The following CELF2 variants were observed in gnomAD, a reference collection of about 807,000 sequenced individuals.
The protein encoded by CELF2 is CUG triplet repeat RNA-binding protein 2.
Under a neutral mutation model 62.6 loss-of-function variants are expected in CELF2, and 8 were observed. The observed-to-expected ratio is 0.13, with a 90% CI of 0.07 to 0.23. The LOEUF is 0.23. Among genes scored for constraint, CELF2 ranks in the 10% least tolerant of loss-of-function variants. The probability of loss-of-function intolerance (pLI) is 1.00; values close to 1 mark genes in which losing one functional copy is unlikely to be tolerated. For synonymous variants in CELF2, 258 were observed against 250.0 expected (o/e 1.03, Z -0.30); for missense variants, 333 against 671.0 (o/e 0.50, Z 5.56).
rs185878981 is a variant in CELF2, at chr10:10,945,860, T to C, written c.89+25861T>C. Among the ~76,000 whole-genome samples, 421 of 152,336 alleles carry C rather than the reference T, an allele frequency of 2.8e-3. 16 individuals are homozygous for C. Among genetic ancestry groups the C allele is most frequent in the Middle Eastern group, 3.4e-3 (1 of 294 alleles). ...TGACAAATTTCTGGCTGGGTTATTA[T>C]GGGATGTTAATGCCTACCCTCAAAC... On this transcript the variant is annotated intron_variant, in intron 2 of 13. Transcript: ENST00000636488.
chr10:10,617,842 A>G, the CELF2 span, among the ~76,000 whole-genome samples: 2 of 152,126 alleles, frequency 1.3e-5, no homozygotes, highest in East Asian at 3.9e-4. Context: ...GAAAGGATGC[A>G]CATCTAATTT....
chr10:11,039,222 C>T lies in CELF2; in HGVS notation c.74+21059C>T, dbSNP rs1440397979. The stretch of plus-strand genomic sequence containing the variant: ...CCACAACACTTCGTGCCCTGTATGG[C>T]ACAGAGTGGGTCAAACACATCAGAT... On this transcript the variant is annotated intron_variant, in intron 1 of 12. Transcript: ENST00000633077. This position sits in a 1 kb window ranked among gnomAD's most constrained non-coding sequence, Gnocchi z 4.1. 6.6e-6 allele frequency among the ~76,000 whole-genome samples: 1 copy of T among 152,174 alleles called. No individual in the cohort carries two copies. Among genetic ancestry groups the T allele is most frequent in the African/African-American group, 2.4e-5 (1 of 41,436 alleles).
intron 2 of CELF2, among the ~76,000 whole-genome samples, chr10:10,989,228 A>T (rs1592782683): frequency 6.6e-6 from 1 of 152,178 alleles, no homozygotes; most frequent in East Asian, 1.9e-4. Flanking sequence ...TAAAAATTTC[A>T]GTAGAATTTT....
At chr10:10,816,487 C>T (rs2131856554) in intron 1 of CELF2, among the ~76,000 whole-genome samples, 2 of 152,300 alleles carry the variant, frequency 1.3e-5, no homozygotes, top group Middle Eastern at 6.8e-3. Flanking sequence ...TTGTGACACT[C>T]TCTGTGTCCC....
intron 1 of CELF2, among the ~76,000 whole-genome samples, chr10:10,883,798 T>C (rs1032089960): frequency 1.3e-5 from 2 of 152,208 alleles, no homozygotes; most frequent in Non-Finnish European, 2.9e-5. Flanking sequence ...CAATTTCATA[T>C]GGTTTTGCCT....
the CELF2 span, among the ~76,000 whole-genome samples, chr10:10,543,157 A>G: frequency 1.3e-5 from 2 of 152,130 alleles, no homozygotes; most frequent in Admixed American, 6.5e-5. Flanking sequence ...TCTCTCCTAT[A>G]CTACTTAATA....
At chr10:11,238,894 C>T (rs775149960) in intron 3 of CELF2, among the ~76,000 whole-genome samples, 5 of 152,098 alleles carry the variant, frequency 3.3e-5, no homozygotes, top group Non-Finnish European at 7.4e-5. Flanking sequence ...TTAAATAAAG[C>T]AAAATGAAAG....
At position 11,296,740 on chromosome 10, in the gene CELF2, G is replaced by C. The variant is rs550998737; in HGVS notation, c.976+8188G>C. On this transcript the variant is annotated intron_variant, in intron 9 of 12. Coordinates refer to ENST00000633077, the MANE Select transcript of CELF2 (RefSeq NM_001326342.2). The surrounding 1 kb of genome is among the most constrained non-coding windows in gnomAD (Gnocchi z 5.0). Reference sequence around the variant, plus strand: ...AGCAGGAAGGCAGGTAAGGTACAGGGGTCAGTGACAGGAGAGATTCTGCCC... The same window carrying C: ...AGCAGGAAGGCAGGTAAGGTACAGGCGTCAGTGACAGGAGAGATTCTGCCC... 9.9e-5 allele frequency among the ~76,000 whole-genome samples: 15 copies of C among 152,264 alleles called. No individual in the cohort carries two copies. Among genetic ancestry groups the C allele is most frequent in the Non-Finnish European group, 1.9e-4 (13 of 68,016 alleles).
chr10:10,825,499 C>T (rs936055475), intron 1 of CELF2, among the ~76,000 whole-genome samples: 1 of 152,182 alleles, frequency 6.6e-6, no homozygotes, highest in African/African-American at 2.4e-5. Context: ...CATGAGCCAC[C>T]GCGCCCAGCT....
chr10:11,227,264 C>G lies in CELF2; in HGVS notation c.354+9757C>G, dbSNP rs993236540. Among the ~76,000 whole-genome samples the G allele has an allele frequency of 1.3e-5, 2 of 152,202 alleles. No individual in the cohort carries two copies. Among genetic ancestry groups the G allele is most frequent in the Non-Finnish European group, 2.9e-5 (2 of 68,036 alleles). On this transcript the variant is annotated intron_variant, in intron 3 of 12. Coordinates refer to ENST00000633077, the MANE Select transcript of CELF2 (RefSeq NM_001326342.2). The surrounding 1 kb of genome is among the most constrained non-coding windows in gnomAD (Gnocchi z 4.8). ...ACTAATGAGGAAGTGATGGTCCAAGCAGTCAAGTCTGCATAACCATCTAAG... is the reference window on the plus strand; with the variant it reads ...ACTAATGAGGAAGTGATGGTCCAAGGAGTCAAGTCTGCATAACCATCTAAG...
the CELF2 span, among the ~76,000 whole-genome samples, chr10:10,702,226 G>C: frequency 6.6e-6 from 1 of 152,118 alleles, no homozygotes; most frequent in African/African-American, 2.4e-5. Context: ...CACTAAAAAT[G>C]GGGAGAAGGG....
rs1005892035 is a variant in CELF2, at chr10:11,285,590, T to A, written c.842-2828T>A. ...GAATGTCAGTGGGTGAGAGAAGGAC[T>A]AAACATGGGCCCTAGTAAGTATCTG... On this transcript the variant is annotated intron_variant, in intron 8 of 12. Coordinates refer to ENST00000633077, the MANE Select transcript of CELF2 (RefSeq NM_001326342.2). The surrounding 1 kb of genome is among the most constrained non-coding windows in gnomAD (Gnocchi z 4.3). 6.6e-6 allele frequency among the ~76,000 whole-genome samples: 1 copy of A among 152,174 alleles called. No homozygotes were observed. The highest frequency in any genetic ancestry group is 2.4e-5 in the African/African-American group (1 of 41,420).
At chr10:10,783,235 T>C in the CELF2 span, among the ~76,000 whole-genome samples, 1 of 152,318 alleles carries the variant, frequency 6.6e-6, no homozygotes, top group Non-Finnish European at 1.5e-5. Context: ...AAATAAAGTC[T>C]TTGCAGATGC....
At chr10:10,847,293 C>T (rs1309316951) in intron 1 of CELF2, among the ~76,000 whole-genome samples, 1 of 152,070 alleles carries the variant, frequency 6.6e-6, no homozygotes, top group Non-Finnish European at 1.5e-5. Context: ...TATTCTAGTC[C>T]TGTCTCAAAG....
chr10:10,981,754 G>A (rs747174948), intron 2 of CELF2, among the ~76,000 whole-genome samples: 66 of 152,112 alleles, frequency 4.3e-4, no homozygotes, highest in Non-Finnish European at 9.0e-4. Flanking sequence ...CCGGCATTGT[G>A]CCAAGGCCTT....
At chr10:10,573,423 T>TAA in the CELF2 span, among the ~76,000 whole-genome samples, 2 of 152,070 alleles carry the variant, frequency 1.3e-5, no homozygotes, top group Non-Finnish European at 2.9e-5. Flanking sequence ...ATCTTTGCCT[T>TAA]TATAGAAGAG....
At chr10:11,036,535 G>GAC in intron 1 of CELF2, among the ~76,000 whole-genome samples, 1 of 152,298 alleles carries the variant, frequency 6.6e-6, no homozygotes, top group East Asian at 1.9e-4. Context: ...CATAAAAGTA[G>GAC]ACATTTCATT....
the CELF2 span, among the ~76,000 whole-genome samples, chr10:10,694,189 C>A: frequency 6.6e-6 from 1 of 151,856 alleles, no homozygotes; most frequent in Non-Finnish European, 1.5e-5. Flanking sequence ...TTCAATGCGT[C>A]CCAGAGATTC....
chr10:10,794,756 C>A (rs371053674), upstream of CELF2: 2 of 152,176 alleles, frequency 1.3e-5, no homozygotes, highest in East Asian at 3.9e-4. Flanking sequence ...GCCCATCCTA[C>A]TCTTCTGCTG....
Sources: allele counts gnomAD v4.1 joint callset (sites outside exome capture counted in the v4.1 genomes callset), GRCh38; gene constraint gnomAD v4.1.1; non-coding constraint Gnocchi (gnomAD v3.1); transcripts MANE v1.5; gene names NCBI Gene and HGNC (gene_info 2026-07-23, HGNC 2026-07-21).